PTPRE: variants seen among roughly 807,000 people sequenced by gnomAD.
PTPRE encodes the protein receptor-type tyrosine-protein phosphatase epsilon.
Under a neutral mutation model 102.0 loss-of-function variants are expected in PTPRE, and 51 were observed. The observed-to-expected ratio is 0.50, with a 90% CI of 0.40 to 0.63. The LOEUF is 0.63. Among genes scored for constraint, PTPRE ranks in the 30% least tolerant of loss-of-function variants. The pLI, the probability that PTPRE is intolerant of heterozygous loss-of-function variation, is 0.00. For synonymous variants in PTPRE, 345 were observed against 348.2 expected, an observed-to-expected ratio of 0.99 and a Z score of 0.10; for missense variants, 752 against 915.1, an observed-to-expected ratio of 0.82 and a Z score of 2.30.
rs193163228 is a variant in PTPRE, at chr10:127,921,597, G to C, written c.-31+14288G>C. Among the ~76,000 whole-genome samples the C allele has an allele frequency of 9.2e-5, 14 of 152,274 alleles. No homozygotes were observed. In the East Asian group the frequency reaches 2.7e-3, roughly 29 times the overall value. ...TGTGGACGTCTATAGGGACTGGGCT[G>C]GGGGCACAGAGCTGGGGGCCAGGAG... On this transcript the variant is annotated intron_variant, in intron 1 of 20. Transcript: ENST00000254667.
intron 5 of PTPRE, among the ~76,000 whole-genome samples, chr10:128,049,026 A>G (rs1848332439): frequency 6.6e-6 from 1 of 152,188 alleles, no homozygotes; most frequent in Non-Finnish European, 1.5e-5. Flanking sequence ...CTCCCCAGAC[A>G]AGGGTGGTTT....
chr10:127,978,644 G>T (rs1383807499), intron 1 of PTPRE, among the ~76,000 whole-genome samples: 1 of 152,200 alleles, frequency 6.6e-6, no homozygotes, highest in Non-Finnish European at 1.5e-5. Context: ...AGCAGCCCCG[G>T]GCCGGCATTG....
chr10:128,044,019 C>A lies in PTPRE; in HGVS notation c.109+3029C>A, dbSNP rs569084665. On this transcript the variant is annotated intron_variant, in intron 3 of 20. Transcript: ENST00000254667. Reference sequence around the variant, plus strand: ...GTTCTTAAAATAACGATACTTTTTACAGTCCGTGAAGCTGTAGATGAAACG... The same window carrying A: ...GTTCTTAAAATAACGATACTTTTTAAAGTCCGTGAAGCTGTAGATGAAACG... Among the ~76,000 whole-genome samples, 8 of 152,244 alleles carry A rather than the reference C, an allele frequency of 5.3e-5. No homozygotes were observed. In the South Asian group the frequency reaches 1.7e-3, roughly 32 times the overall value.
intron 15 of PTPRE, chr10:128,071,185 G>A: frequency 4.4e-6 from 2 of 458,438 alleles, no homozygotes; most frequent in Non-Finnish European, 7.9e-6. Flanking sequence ...TTTCAGGGGA[G>A]GGCTTCACAG....
Position 128,070,112 on chromosome 10 carries a change from A to G in PTPRE, c.1144-189A>G, listed in dbSNP as rs543678462. ...CTCACCAATGTGAGGCTCTGCTGCT[A>G]CCGTTCTCCTTACTCAAGGGCATAA... On this transcript the variant is annotated intron_variant, in intron 13 of 20. Transcript: ENST00000254667. This position sits in a 1 kb window ranked among gnomAD's most constrained non-coding sequence, Gnocchi z 4.8. The G allele has an allele frequency of 6.9e-6, 5 of 724,564 alleles. No homozygotes were observed. In the South Asian group the frequency reaches 7.7e-5, roughly 11 times the overall value. 44.9% of individuals were successfully genotyped at this position (724,564 alleles called of 1,614,324 possible). A position where few individuals can be genotyped will look rare whatever the true frequency, so the allele number is the denominator to read the frequency against.
chr10:128,019,637 T>TCCATCCATC (rs1564889862), intron 2 of PTPRE, among the ~76,000 whole-genome samples: 1,622 of 102,532 alleles, frequency 0.016, 34 homozygotes, highest in African/African-American at 0.043. Context: ...GTCAGCCCAT[T>TCCATCCATC]CATTCATTCA....
rs1040104551 is a variant in PTPRE at position 127,960,745 on chromosome 10, C to T, written c.-30-21529C>T. ...GCTTTTCAAAAAATACAGAAACAGC[C>T]GGGCGCGGTGGCTCACGCCTGTAAT... On this transcript the variant is annotated intron_variant, in intron 1 of 20. Transcript: ENST00000254667. Among the ~76,000 whole-genome samples the T allele has an allele frequency of 5.3e-5, 8 of 152,168 alleles. No homozygotes were observed. In the South Asian group the frequency reaches 6.2e-4, roughly 12 times the overall value.
intron 3 of PTPRE, among the ~76,000 whole-genome samples, chr10:128,043,340 T>TTC (rs1847857053): frequency 6.6e-6 from 1 of 152,302 alleles, no homozygotes; most frequent in African/African-American, 2.4e-5. Flanking sequence ...AGGCATCAGG[T>TTC]TCTCTTAAGG....
intron 6 of PTPRE, among the ~76,000 whole-genome samples, chr10:128,053,864 G>A (rs551632739): frequency 9.9e-5 from 15 of 152,242 alleles, no homozygotes; most frequent in East Asian, 1.9e-4. Flanking sequence ...AGGTTCAAGC[G>A]ATTTTACTGC....
intron 1 of PTPRE, among the ~76,000 whole-genome samples, chr10:127,920,064 G>A (rs114812352): frequency 0.011 from 1,611 of 152,286 alleles, 31 homozygotes; most frequent in African/African-American, 0.036. Flanking sequence ...GGCAGGAAGT[G>A]TGGCCATGCT....
At chr10:128,059,309 C>G (rs982576480) in intron 7 of PTPRE, among the ~76,000 whole-genome samples, 1 of 152,208 alleles carries the variant, frequency 6.6e-6, no homozygotes, top group Non-Finnish European at 1.5e-5. Flanking sequence ...CCCTGGCCAC[C>G]CTGTGTGGGC....
At chr10:127,964,158 T>C (rs571423006) in intron 1 of PTPRE, among the ~76,000 whole-genome samples, 1 of 152,238 alleles carries the variant, frequency 6.6e-6, no homozygotes, top group East Asian at 1.9e-4. Context: ...GCTTTCATTT[T>C]ATTTATTGTT....
At chr10:128,030,423 G>A (rs1846648061) in intron 2 of PTPRE, among the ~76,000 whole-genome samples, 1 of 152,180 alleles carries the variant, frequency 6.6e-6, no homozygotes, top group African/African-American at 2.4e-5. Flanking sequence ...GAAAGGATGA[G>A]AGTTAATGAG....
intron 2 of PTPRE, among the ~76,000 whole-genome samples, chr10:128,011,472 G>A (rs1398490457): frequency 6.6e-6 from 1 of 152,204 alleles, no homozygotes; most frequent in Non-Finnish European, 1.5e-5. Flanking sequence ...CGCACCAGGC[G>A]GGTGCGCGGT....
Position 128,031,265 on chromosome 10 carries a change from C to T in PTPRE, c.-7-9610C>T, listed in dbSNP as rs549404563. On this transcript the variant is annotated intron_variant, in intron 2 of 20. Transcript: ENST00000254667. ...CATCATCACTTTTGGAGGTCTGATCCAGGGTGGGCTGTACTCAGCGAGGCC... is the reference window on the plus strand; with the variant it reads ...CATCATCACTTTTGGAGGTCTGATCTAGGGTGGGCTGTACTCAGCGAGGCC... Among the ~76,000 whole-genome samples the T allele has an allele frequency of 3.3e-5, 5 of 152,340 alleles. No individual in the cohort carries two copies. In the East Asian group the frequency reaches 7.7e-4, roughly 24 times the overall value.
At chr10:128,006,565 T>C (rs981900347) in intron 2 of PTPRE, among the ~76,000 whole-genome samples, 2 of 152,228 alleles carry the variant, frequency 1.3e-5, no homozygotes, top group African/African-American at 4.8e-5. Flanking sequence ...ACTTACGCTA[T>C]GTTGATACAG....
chr10:128,013,416 A>G (rs1405984939), intron 2 of PTPRE, among the ~76,000 whole-genome samples: 2 of 152,174 alleles, frequency 1.3e-5, no homozygotes, highest in Non-Finnish European at 2.9e-5. Flanking sequence ...CCTATCTTGG[A>G]GCGCCACTGG....
At chr10:127,964,275 T>C (rs1325337990) in intron 1 of PTPRE, among the ~76,000 whole-genome samples, 1 of 152,178 alleles carries the variant, frequency 6.6e-6, no homozygotes, top group Non-Finnish European at 1.5e-5. Flanking sequence ...GTTCCAGCAA[T>C]TCTCCTGCCT....
At chr10:127,929,512 T>C (rs1589756172) in intron 1 of PTPRE, 1 of 152,224 alleles carries the variant, frequency 6.6e-6, no homozygotes, top group East Asian at 1.9e-4. Flanking sequence ...CTGAAAACTA[T>C]AGTTACCGCC....
Sources: gnomAD v4.1 joint callset for allele counts (sites outside exome capture counted in the v4.1 genomes callset) on GRCh38, gnomAD v4.1.1 for gene constraint, Gnocchi (gnomAD v3.1) non-coding constraint, MANE v1.5 for transcripts, NCBI Gene and HGNC (gene_info 2026-07-23, HGNC 2026-07-21) for gene names.